GAPVD1: variants seen among roughly 807,000 people sequenced by gnomAD.
GAPVD1 encodes the protein GTPase activating protein and VPS9 domains 1.
In GAPVD1, 35 loss-of-function variants were observed where a neutral mutation model predicts 155.5. The ratio of observed to expected loss-of-function variants is 0.23; its 90% CI spans 0.17 to 0.30. GAPVD1 has a LOEUF of 0.30. Among genes scored for constraint, GAPVD1 ranks in the 10% least tolerant of loss-of-function variants. GAPVD1 has a pLI of 1.00. For missense variants in GAPVD1, 1,429 were observed against 1,775.7 expected, an observed-to-expected ratio of 0.80 and a Z score of 3.51; for synonymous variants, 636 against 619.7, an observed-to-expected ratio of 1.03 and a Z score of -0.39.
At position 125,302,569 on chromosome 9, in the gene GAPVD1, C is replaced by T. The variant is rs4437748; in HGVS notation, c.772C>T (p.Leu258=). The T allele has an allele frequency of 3.7e-6, 6 of 1,613,820 alleles. No individual in the cohort carries two copies. Among genetic ancestry groups the T allele is most frequent in the Non-Finnish European group, 5.1e-6 (6 of 1,179,718 alleles). ...QEMVESNEAK[L]VALVNKFIGY... Reference sequence around the variant, plus strand: ...AATGGTGGAGTCCAATGAAGCAAAGCTAGTGGCTTTGGTGAACAAATTTAT... The same window carrying T: ...AATGGTGGAGTCCAATGAAGCAAAGTTAGTGGCTTTGGTGAACAAATTTAT... Residue 258 remains leucine, a synonymous_variant, in exon 5 of 28, where the codon CTA becomes TTA. Coordinates refer to ENST00000297933, the MANE Select transcript of GAPVD1 (RefSeq NM_001282680.3).
chr9:125,362,904 A>G lies in GAPVD1; in HGVS notation c.*158A>G. ...TCTTTACTAAACAGGTTAATGAGCT[A>G]ACAAGCAGGTTCTCTCGTCTTTGGG... On this transcript the variant is annotated 3_prime_UTR_variant, in exon 28 of 28. Transcript: ENST00000297933. 2 of 487,710 alleles carry G rather than the reference A, an allele frequency of 4.1e-6. No homozygotes were observed. The allele number at this position is 487,710 out of a possible 1,614,324, so 30.2% of individuals were successfully genotyped here. A position where few individuals can be genotyped will look rare whatever the true frequency, so the allele number is the denominator to read the frequency against.
At chr9:125,273,709 C>T (rs954899080) in intron 2 of GAPVD1, among the ~76,000 whole-genome samples, 4 of 151,918 alleles carry the variant, frequency 2.6e-5, no homozygotes, top group South Asian at 2.1e-4. Context: ...TTGAGACAAG[C>T]TCTAGACAGT....
chr9:125,366,849 T>C lies in GAPVD1; in HGVS notation c.*4103T>C. The C allele has an allele frequency of 6.6e-6, 1 of 152,248 alleles. No individual in the cohort carries two copies. Among genetic ancestry groups the C allele is most frequent in the Middle Eastern group, 3.2e-3 (1 of 316 alleles). The allele number at this position is 152,248 out of a possible 1,614,324, so 9.4% of individuals were successfully genotyped here. On this transcript the variant is annotated 3_prime_UTR_variant, in exon 28 of 28. Coordinates refer to ENST00000297933, the MANE Select transcript of GAPVD1 (RefSeq NM_001282680.3). Reference sequence around the variant, plus strand: ...TCCGTGTTAAGTTGTGGTTGAGCTATGGAGTGACCCTGGAGCTGCCGCATC... The same window carrying C: ...TCCGTGTTAAGTTGTGGTTGAGCTACGGAGTGACCCTGGAGCTGCCGCATC...
intron 2 of GAPVD1, among the ~76,000 whole-genome samples, chr9:125,287,002 T>C: frequency 6.6e-6 from 1 of 152,090 alleles, no homozygotes; most frequent in East Asian, 1.9e-4. Context: ...GACAATCGCT[T>C]GAACCCAGGA....
At chr9:125,330,279 T>C in intron 13 of GAPVD1, 61 bp downstream of exon 13, 1 of 1,135,210 alleles carries the variant, frequency 8.8e-7, no homozygotes. Context: ...AAATGCAAGG[T>C]ATCCCAACTC....
rs10649964 is a variant in GAPVD1, at chr9:125,283,028, TTTTATTTATTTATTTA to T, written c.-149-12400_-149-12385del. Among the ~76,000 whole-genome samples, 272 of 143,378 alleles carry T rather than the reference TTTTATTTATTTATTTA, an allele frequency of 1.9e-3. 1 individual carries two copies. The highest frequency in any genetic ancestry group is 6.4e-3 in the African/African-American group (244 of 38,138). The allele number at this position is 143,378 out of a possible 152,430, so 94.1% of individuals were successfully genotyped here. A position where few individuals can be genotyped will look rare whatever the true frequency, so the allele number is the denominator to read the frequency against. ...GCTGTTACTTAAAGTTTATTTTTAT[TTTTATTTATTTATTTA>T]TTTATTTATTTATTTATTTATTTAT... On this transcript the variant is annotated intron_variant, in intron 2 of 27. Coordinates refer to ENST00000297933, the MANE Select transcript of GAPVD1 (RefSeq NM_001282680.3).
chr9:125,324,694 G>C (rs577114180), intron 11 of GAPVD1, among the ~76,000 whole-genome samples: 2 of 152,164 alleles, frequency 1.3e-5, no homozygotes, highest in African/African-American at 4.8e-5. Context: ...TCTAGGTGAA[G>C]GACAAGCATA....
At chr9:125,330,695 C>T (rs191128346) in intron 13 of GAPVD1, among the ~76,000 whole-genome samples, 31 of 152,276 alleles carry the variant, frequency 2.0e-4, no homozygotes. Context: ...CATTTTCTGT[C>T]CATTAAGGGA....
In GAPVD1 at chr9:125,363,193, T is replaced by A. The variant is rs1165904414; in HGVS notation, c.*447T>A. The A allele has an allele frequency of 6.6e-6, 1 of 152,242 alleles. No homozygotes were observed. Among genetic ancestry groups the A allele is most frequent in the Non-Finnish European group, 1.5e-5 (1 of 68,084 alleles). 9.4% of individuals were successfully genotyped at this position (152,242 alleles called of 1,614,324 possible). ...TGAGTTGCACTGAGGATTAGAATAG[T>A]GGTGCGTTAGTGGCATTATCTATAA... On this transcript the variant is annotated 3_prime_UTR_variant, in exon 28 of 28. Transcript: ENST00000297933.
intron 1 of GAPVD1, among the ~76,000 whole-genome samples, chr9:125,267,295 T>A (rs1475584372): frequency 6.6e-6 from 1 of 152,208 alleles, no homozygotes; most frequent in African/African-American, 2.4e-5. Context: ...TGCTCTGTTG[T>A]CTAGGTTGGA....
chr9:125,353,587 A>G (rs1401324668), intron 23 of GAPVD1, among the ~76,000 whole-genome samples: 1 of 152,206 alleles, frequency 6.6e-6, no homozygotes. Context: ...AGACTGGGCA[A>G]TTTAACAAAA....
At chr9:125,341,078 C>G in intron 17 of GAPVD1, 99 bp from the exon 18 acceptor site, 3 of 751,392 alleles carry the variant, frequency 4.0e-6, no homozygotes, top group Non-Finnish European at 4.8e-6. Flanking sequence ...GAATGAGATC[C>G]TATCTCAAAA....
intron 9 of GAPVD1, among the ~76,000 whole-genome samples, chr9:125,317,658 A>G (rs1028794427): frequency 5.3e-5 from 8 of 151,836 alleles, no homozygotes; most frequent in African/African-American, 1.7e-4. Flanking sequence ...GAAAGAAAAG[A>G]AAGAAAATGG....
chr9:125,365,295 T>C lies in GAPVD1; in HGVS notation c.*2549T>C, dbSNP rs901816119. ...CATCACTGTTTGATTTCTTGACAGG[T>C]ATGTGAGATGGGGAGTGATTTGATT... On this transcript the variant is annotated 3_prime_UTR_variant, in exon 28 of 28. Coordinates refer to ENST00000297933, the MANE Select transcript of GAPVD1 (RefSeq NM_001282680.3). 6.6e-6 allele frequency: 1 copy of C among 150,992 alleles called. No homozygotes were observed. The highest frequency in any genetic ancestry group is 2.4e-5 in the African/African-American group (1 of 40,970). The allele number at this position is 150,992 out of a possible 1,614,324, so 9.4% of individuals were successfully genotyped here. A position where few individuals can be genotyped will look rare whatever the true frequency, so the allele number is the denominator to read the frequency against.
intron 6 of GAPVD1, among the ~76,000 whole-genome samples, chr9:125,306,843 G>C (rs1013305909): frequency 6.6e-6 from 1 of 152,162 alleles, no homozygotes; most frequent in Admixed American, 6.5e-5. Flanking sequence ...TTTTTAGGTT[G>C]GGTGCAGTGG....
rs1476610913 is a variant in GAPVD1 at position 125,321,471 on chromosome 9, T to G, written c.1641T>G (p.Asp547Glu). ...NMQLSDGGQGDVPVDENKLHG... is the reference protein window; with the variant it reads ...NMQLSDGGQGEVPVDENKLHG... Reference sequence around the variant, plus strand: ...AGCTTTCGGATGGAGGACAAGGAGATGTCCCTGTTGATGAAAACAAACTCC... The same window carrying G: ...AGCTTTCGGATGGAGGACAAGGAGAGGTCCCTGTTGATGAAAACAAACTCC... Residue 547 changes from aspartate (D) to glutamate (E), a missense_variant, in exon 10 of 28, where the codon GAT (aspartate) becomes GAG (glutamate). Around this residue, in one of 4 missense-constraint regions of GAPVD1, gnomAD observed 628 missense variants for 733.4 expected, o/e 0.86. Transcript: ENST00000297933. 6.2e-7 allele frequency: 1 copy of G among 1,612,658 alleles called. No homozygotes were observed. Among genetic ancestry groups the G allele is most frequent in the Admixed American group, 1.7e-5 (1 of 59,976 alleles).
At chr9:125,299,239 GAGTCTTTGCTTATAATAC>G in intron 4 of GAPVD1, 133 bp downstream of exon 4, 1 of 525,394 alleles carries the variant, frequency 1.9e-6, no homozygotes, top group Non-Finnish European at 3.3e-6. Flanking sequence ...ATGTTAAGGT[GAGTCTTTGCTTATAATAC>G]AGTTTATTTG....
In GAPVD1 at chr9:125,332,631, TAAGAGG is replaced by T; in HGVS notation, c.2428+3_2428+8del. 6.2e-7 allele frequency: 1 copy of T among 1,605,472 alleles called. No homozygotes were observed. Among genetic ancestry groups the T allele is most frequent in the Non-Finnish European group, 8.5e-7 (1 of 1,177,182 alleles). Reference sequence around the variant, plus strand: ...CAGACATGGATGAAATAACTCACGGTAAGAGGGGGAAATGAGGATGACTTAAAAAAT... The same window carrying T: ...CAGACATGGATGAAATAACTCACGGTGGGAAATGAGGATGACTTAAAAAAT... On this transcript the variant is annotated splice_donor_5th_base_variant and intron_variant, in intron 15 of 27. Transcript: ENST00000297933.
intron 2 of GAPVD1, among the ~76,000 whole-genome samples, chr9:125,279,577 A>G (rs1836393597): frequency 6.6e-6 from 1 of 151,660 alleles, no homozygotes; most frequent in African/African-American, 2.4e-5. Flanking sequence ...TCTCAAAAAA[A>G]AAAAAAAAAA....
Sources: allele counts gnomAD v4.1 joint callset (sites outside exome capture counted in the v4.1 genomes callset), GRCh38; gene constraint gnomAD v4.1.1; regional missense constraint gnomAD v4.1.1; transcripts MANE v1.5; gene names NCBI Gene and HGNC (gene_info 2026-07-23, HGNC 2026-07-21).